Variants in HSPG2 observed in about 807,000 individuals in gnomAD.
HSPG2 encodes basement membrane-specific heparan sulfate proteoglycan core protein.
HSPG2 carries 278 observed loss-of-function variants against 526.6 expected under a neutral mutation model. That is an observed-to-expected ratio of 0.53 (90% confidence interval 0.48 to 0.58). The LOEUF is 0.58. HSPG2 is among the 20% of genes least tolerant of loss of function. HSPG2 has a pLI of 0.00. For missense variants in HSPG2, 5,354 were observed against 6,099.5 expected (o/e 0.88, Z 4.07); for synonymous variants, 2,465 against 2,555.4 (o/e 0.96, Z 1.07).
chr1:21,857,146 G>A lies in HSPG2; in HGVS notation c.5444C>T (p.Pro1815Leu). The A allele has an allele frequency of 6.2e-7, 1 of 1,614,144 alleles. No homozygotes were observed. The highest frequency in any genetic ancestry group is 8.5e-7 in the Non-Finnish European group (1 of 1,180,018). ...VWTRLHNGKL[P>L]TRAMDFNGIL... ...GCCATTGAAATCCATGGCTCGGGTG[G>A]GCAGTTTCCCGTTGTGCAGGCGGGT... Residue 1815 changes from proline to leucine, a missense_variant, in exon 44 of 97, where the codon CCC (proline) becomes CTC (leucine). By Grantham distance (98) the Pro-to-Leu change is moderately conservative. Transcript: ENST00000374695.
intron 44 of HSPG2, 105 bp from the exon 45 acceptor site, chr1:21,856,017 G>T: frequency 6.8e-7 from 1 of 1,480,470 alleles, no homozygotes; most frequent in Non-Finnish European, 9.1e-7. Context: ...AGCCCTCCAC[G>T]GCCATCTGTG....
chr1:21,936,714 G>A (rs1290760148), intron 1 of HSPG2, among the ~76,000 whole-genome samples: 1 of 152,214 alleles, frequency 6.6e-6, no homozygotes, highest in Non-Finnish European at 1.5e-5. Context: ...AGACGGTGTG[G>A]TAAAGTTTCA....
intron 1 of HSPG2, among the ~76,000 whole-genome samples, chr1:21,913,799 A>G (rs1157078417): frequency 6.6e-6 from 1 of 152,206 alleles, no homozygotes; most frequent in Non-Finnish European, 1.5e-5. Context: ...CCCAGTTTGG[A>G]TGAAGGCTCT....
Position 21,852,819 on chromosome 1 carries a change from A to C in HSPG2, c.6605T>G (p.Leu2202Arg). The C allele has an allele frequency of 6.2e-7, 1 of 1,609,466 alleles. No homozygotes were observed. The highest frequency in any genetic ancestry group is 1.1e-5 in the South Asian group (1 of 90,926). Residue 2202 changes from leucine (L) to arginine (R), a missense_variant, in exon 52 of 97, where the codon CTG becomes CGG. Coordinates refer to ENST00000374695, the MANE Select transcript of HSPG2 (RefSeq NM_005529.7). ...LPARHQTHGS[L>R]LRLHQVTPAD... ...CGGGGTCACCTGGTGCAGCCGCAGCAGCGAGCCGTGGGTCTGTGTGCAAAT... is the reference window on the plus strand; with the variant it reads ...CGGGGTCACCTGGTGCAGCCGCAGCCGCGAGCCGTGGGTCTGTGTGCAAAT...
rs5772965 is a variant in HSPG2 at position 21,871,258 on chromosome 1, G to GTTTT, written c.4221+924_4221+927dup. 1.4e-4 allele frequency among the ~76,000 whole-genome samples: 16 copies of GTTTT among 114,678 alleles called. 1 individual carries two copies. The highest frequency in any genetic ancestry group is 2.9e-4 in the South Asian group (1 of 3,456). 75.2% of individuals were successfully genotyped at this position (114,678 alleles called of 152,430 possible). A position where few individuals can be genotyped will look rare whatever the true frequency, so the allele number is the denominator to read the frequency against. ...TTCACCTCTGACTGGCAGAGTATTTGTTTTTTTTTTTTTTTTTTTGAGACA... is the reference window on the plus strand; with the variant it reads ...TTCACCTCTGACTGGCAGAGTATTTGTTTTTTTTTTTTTTTTTTTTTTTGAGACA... On this transcript the variant is annotated intron_variant, in intron 33 of 96. Transcript: ENST00000374695.
Position 21,916,691 on chromosome 1 carries a change from C to CAA in HSPG2, c.64-20383_64-20382dup, listed in dbSNP as rs11401856. Among the ~76,000 whole-genome samples the CAA allele has an allele frequency of 8.4e-3, 1,128 of 134,904 alleles. 6 individuals are homozygous for CAA. Among genetic ancestry groups the CAA allele is most frequent in the South Asian group, 0.013 (56 of 4,248 alleles). 88.5% of individuals were successfully genotyped at this position (134,904 alleles called of 152,430 possible). A position where few individuals can be genotyped will look rare whatever the true frequency, so the allele number is the denominator to read the frequency against. Reference sequence around the variant, plus strand: ...CAGGCGACAGTGCGAGACTCCATCTCAAAAAAAAAAAAAAGAAACTGAATT... The same window carrying CAA: ...CAGGCGACAGTGCGAGACTCCATCTCAAAAAAAAAAAAAAAAGAAACTGAATT... On this transcript the variant is annotated intron_variant, in intron 1 of 96. Transcript: ENST00000374695.
chr1:21,891,046 G>A (rs529688576), intron 3 of HSPG2, among the ~76,000 whole-genome samples: 1 of 152,338 alleles, frequency 6.6e-6, no homozygotes, highest in East Asian at 1.9e-4. Context: ...GCGTGTGACT[G>A]GGAAAGGCTC....
intron 28 of HSPG2, 121 bp from the exon 29 acceptor site, chr1:21,874,132 G>T: frequency 1.1e-6 from 1 of 890,666 alleles, no homozygotes; most frequent in Non-Finnish European, 1.8e-6. Flanking sequence ...TGTGTCCTCA[G>T]TGCCACTGCA....
chr1:21,873,345 G>A, intron 30 of HSPG2, 30 bp downstream of exon 30: 8 of 1,613,586 alleles, frequency 5.0e-6, no homozygotes, highest in South Asian at 2.2e-5. Flanking sequence ...TGGGTAACCC[G>A]ACCCCAATGA....
intron 33 of HSPG2, chr1:21,870,380 G>T (rs1640551936): frequency 1.3e-6 from 1 of 769,872 alleles, no homozygotes; most frequent in Admixed American, 6.3e-5. Context: ...GCCATGGGCA[G>T]GGTCCTCTAC....
intron 1 of HSPG2, among the ~76,000 whole-genome samples, chr1:21,906,725 G>C (rs1264411515): frequency 8.8e-6 from 1 of 113,040 alleles, no homozygotes; most frequent in Non-Finnish European, 1.7e-5. Context: ...TGATGGGACT[G>C]GGGGGTGGGG....
intron 39 of HSPG2, among the ~76,000 whole-genome samples, chr1:21,860,727 C>T (rs879231220): frequency 2.6e-5 from 4 of 152,100 alleles, no homozygotes; most frequent in Non-Finnish European, 2.9e-5. Flanking sequence ...CCTCATGATC[C>T]GCCCACCTCA....
At position 21,836,994 on chromosome 1, in the gene HSPG2, G is replaced by C; in HGVS notation, c.10163C>G (p.Ser3388Cys). 2.6e-6 allele frequency: 4 copies of C among 1,551,248 alleles called. No individual in the cohort carries two copies. The highest frequency in any genetic ancestry group is 3.5e-6 in the Non-Finnish European group (4 of 1,148,140). Reference sequence around the variant, plus strand: ...TGCTGGGATGGAGGTGGCAGGGAGAGAGCCGGGAGGGCCTGCGGGGACATG... The same window carrying C: ...TGCTGGGATGGAGGTGGCAGGGAGACAGCCGGGAGGGCCTGCGGGGACATG... ...AQLLVQGPPG[S>C]LPATSIPAGS... The change falls in exon 75 of 97, where the codon TCT (serine) becomes TGT (cysteine). Residue 3388 changes from serine (S) to cysteine (C), a missense_variant. Coordinates refer to ENST00000374695, the MANE Select transcript of HSPG2 (RefSeq NM_005529.7).
chr1:21,841,872 G>A, intron 69 of HSPG2, 130 bp downstream of exon 69: 2 of 1,387,944 alleles, frequency 1.4e-6, no homozygotes, highest in Non-Finnish European at 2.0e-6. Context: ...ACAGAGACGG[G>A]AAGGGCCTTA....
Position 21,887,725 on chromosome 1 carries a change from T to C in HSPG2, c.704-51A>G. ...TGGCAGAAGCAGATGGCTCCTCACC[T>C]GCTCCTTGTCCCCAACCCTCCCCAG... On this transcript the variant is annotated intron_variant, in intron 7 of 96. Transcript: ENST00000374695. This position sits in a 1 kb window ranked among gnomAD's most constrained non-coding sequence, Gnocchi z 5.0. 6.2e-7 allele frequency: 1 copy of C among 1,612,610 alleles called. No individual in the cohort carries two copies. Among genetic ancestry groups the C allele is most frequent in the Non-Finnish European group, 8.5e-7 (1 of 1,179,028 alleles).
rs1033676362 is a variant in HSPG2 at position 21,895,937 on chromosome 1, C to T, written c.229G>A (p.Gly77Arg). 3.7e-6 allele frequency: 6 copies of T among 1,613,970 alleles called. No homozygotes were observed. Among genetic ancestry groups the T allele is most frequent in the African/African-American group, 1.3e-5 (1 of 74,910 alleles). The change falls in exon 3 of 97, where the codon GGG (glycine) becomes AGG (arginine). Residue 77 changes from glycine (G) to arginine (R), a missense_variant. Gly to Arg is a moderately radical substitution (Grantham distance 125). Transcript: ENST00000374695. This position sits in a 1 kb window ranked among gnomAD's most constrained non-coding sequence, Gnocchi z 4.1. ...DDLGSGDLGSGDFQMVYFRAL... is the reference protein window; with the variant it reads ...DDLGSGDLGSRDFQMVYFRAL... ...AGCAACTTACCCATCTGGAAGTCCC[C>T]GCTGCCCAGGTCCCCACTGCCCAGG...
rs773681860 is a variant in HSPG2 at position 21,833,875 on chromosome 1, C to T, written c.10771G>A (p.Ala3591Thr). The change falls in exon 78 of 97, where the codon GCA becomes ACA. Residue 3591 changes from alanine (A) to threonine (T), a missense_variant. Transcript: ENST00000374695. Reference protein sequence around the residue: ...PQEVRVPAGSAAVFPCIASGY... With the variant: ...PQEVRVPAGSTAVFPCIASGY... ...GAGGCTATGCAGGGGAAGACAGCTG[C>T]AGAACCAGCAGGCACACGGACTTCT... is the stretch of plus-strand genomic sequence containing the variant. The T allele has an allele frequency of 1.2e-6, 2 of 1,603,178 alleles. No individual in the cohort carries two copies. The highest frequency in any genetic ancestry group is 1.1e-5 in the South Asian group (1 of 88,740).
intron 33 of HSPG2, chr1:21,870,298 G>A: frequency 1.0e-6 from 1 of 985,992 alleles, no homozygotes; most frequent in Non-Finnish European, 1.2e-6. Flanking sequence ...CTGCTCCTCT[G>A]AGAGGGATGT....
At chr1:21,902,825 C>G (rs1439111377) in intron 1 of HSPG2, among the ~76,000 whole-genome samples, 1 of 152,240 alleles carries the variant, frequency 6.6e-6, no homozygotes, top group Non-Finnish European at 1.5e-5. Context: ...CCGCACTCAC[C>G]ACGTTGCCTT....
Sources: allele counts gnomAD v4.1 joint callset (sites outside exome capture counted in the v4.1 genomes callset), GRCh38; gene constraint gnomAD v4.1.1; non-coding constraint Gnocchi (gnomAD v3.1); transcripts MANE v1.5; gene names NCBI Gene and HGNC (gene_info 2026-07-23, HGNC 2026-07-21).